Variants in CLRN3 observed in about 807,000 individuals in gnomAD.
CLRN3 encodes the protein clarin 3.
A neutral mutation model predicts 16.7 loss-of-function variants in CLRN3; 12 were observed. The observed-to-expected ratio is 0.72, with a 90% CI of 0.46 to 1.16. CLRN3 has a LOEUF of 1.16. Ranked by LOEUF, CLRN3 falls within the 50% of genes most tolerant of loss-of-function variation. CLRN3 has a pLI of 0.00. For synonymous variants in CLRN3, 118 were observed against 113.0 expected (o/e 1.04, Z -0.28); for missense variants, 296 against 274.2 (o/e 1.08, Z -0.56).
intron 2 of CLRN3, 114 bp downstream of exon 2, chr10:127,883,582 G>A (rs757649504): frequency 1.5e-5 from 12 of 790,452 alleles, no homozygotes; most frequent in Non-Finnish European, 2.4e-5. Context: ...GGTCCTCATA[G>A]TTTCCTTGGT....
chr10:127,881,735 G>A (rs554438958), intron 2 of CLRN3, among the ~76,000 whole-genome samples: 1 of 152,194 alleles, frequency 6.6e-6, no homozygotes, highest in Non-Finnish European at 1.5e-5. Context: ...TGAATTTGGA[G>A]GAAATGAGAA....
At chr10:127,888,569 T>C (rs1845222727) in intron 1 of CLRN3, among the ~76,000 whole-genome samples, 1 of 152,180 alleles carries the variant, frequency 6.6e-6, no homozygotes, top group African/African-American at 2.4e-5. Flanking sequence ...CCTGGCCTAA[T>C]GGTGCAATGT....
chr10:127,884,448 G>C lies in CLRN3; in HGVS notation c.230-573C>G, dbSNP rs75384644. On this transcript the variant is annotated intron_variant, in intron 1 of 2. Coordinates refer to ENST00000368671, the MANE Select transcript of CLRN3 (RefSeq NM_152311.5). ...CTGACATAAGAAAATGACTTCTGTT[G>C]GTGCAAATCGAGTTGTGGGTCCTAC... Among the ~76,000 whole-genome samples, 17 of 152,324 alleles carry C rather than the reference G, an allele frequency of 1.1e-4. No homozygotes were observed. In the East Asian group the frequency reaches 3.3e-3, roughly 29 times the overall value.
At chr10:127,881,890 C>T (rs911978700) in intron 2 of CLRN3, among the ~76,000 whole-genome samples, 12 of 152,320 alleles carry the variant, frequency 7.9e-5, no homozygotes, top group African/African-American at 2.9e-4. Flanking sequence ...TGGCAGGAAA[C>T]AGTCCTCACG....
At chr10:127,879,940 A>G (rs1242152301) in intron 2 of CLRN3, among the ~76,000 whole-genome samples, 1 of 152,124 alleles carries the variant, frequency 6.6e-6, no homozygotes, top group Non-Finnish European at 1.5e-5. Context: ...GTCTGCCGCC[A>G]TGTACCCGGA....
intron 1 of CLRN3, among the ~76,000 whole-genome samples, chr10:127,886,879 T>C (rs1845201147): frequency 6.6e-6 from 1 of 152,140 alleles, no homozygotes; most frequent in Non-Finnish European, 1.5e-5. Context: ...GCATAGTCTC[T>C]GGCTATGCAT....
At chr10:127,880,598 G>T (rs967790401) in intron 2 of CLRN3, among the ~76,000 whole-genome samples, 4 of 152,108 alleles carry the variant, frequency 2.6e-5, no homozygotes, top group African/African-American at 9.7e-5. Context: ...CTTCTCTCAG[G>T]GGACAATTTT....
chr10:127,888,282 C>A (rs949359265), intron 1 of CLRN3, among the ~76,000 whole-genome samples: 1 of 152,130 alleles, frequency 6.6e-6, no homozygotes, highest in Non-Finnish European at 1.5e-5. Flanking sequence ...CAGGCTGGTG[C>A]CCCAGCCTCT....
intron 1 of CLRN3, among the ~76,000 whole-genome samples, chr10:127,884,761 C>A (rs561027644): frequency 6.6e-6 from 1 of 152,222 alleles, no homozygotes; most frequent in Admixed American, 6.5e-5. Context: ...TCTCCTCCAC[C>A]GGCTCTTTTG....
chr10:127,892,300 T>C (rs1486923296), intron 1 of CLRN3, among the ~76,000 whole-genome samples: 1 of 152,214 alleles, frequency 6.6e-6, no homozygotes, highest in Non-Finnish European at 1.5e-5. Flanking sequence ...TACTTGTCAG[T>C]CAACTTGGTA....
At chr10:127,890,331 A>G (rs974423596) in intron 1 of CLRN3, among the ~76,000 whole-genome samples, 1 of 152,190 alleles carries the variant, frequency 6.6e-6, no homozygotes, top group Non-Finnish European at 1.5e-5. Context: ...CGCACCCTCC[A>G]GTTACACACT....
chr10:127,884,287 G>A (rs1845166405), intron 1 of CLRN3, among the ~76,000 whole-genome samples: 1 of 152,200 alleles, frequency 6.6e-6, no homozygotes, highest in Admixed American at 6.5e-5. Context: ...GGCACTCACA[G>A]GGTAGGTCAC....
chr10:127,889,713 G>A (rs145775106), intron 1 of CLRN3, among the ~76,000 whole-genome samples: 103 of 152,312 alleles, frequency 6.8e-4, no homozygotes, highest in African/African-American at 2.3e-3. Flanking sequence ...TGGTCAGTGC[G>A]TAGGCTGAGT....
intron 2 of CLRN3, among the ~76,000 whole-genome samples, chr10:127,882,195 C>T (rs746542836): frequency 1.3e-5 from 2 of 152,170 alleles, no homozygotes; most frequent in Non-Finnish European, 2.9e-5. Flanking sequence ...ACTTTTGTGC[C>T]TCGTCCATAG....
At chr10:127,887,168 T>C (rs1280941978) in intron 1 of CLRN3, among the ~76,000 whole-genome samples, 1 of 152,084 alleles carries the variant, frequency 6.6e-6, no homozygotes, top group Non-Finnish European at 1.5e-5. Flanking sequence ...AAGGAAAAAA[T>C]CTACAGCACG....
intron 2 of CLRN3, among the ~76,000 whole-genome samples, chr10:127,882,630 G>A (rs925686550): frequency 1.3e-5 from 2 of 152,126 alleles, no homozygotes; most frequent in Non-Finnish European, 2.9e-5. Flanking sequence ...AGCCACCTGC[G>A]CCTACCTCGT....
At position 127,888,925 on chromosome 10, in the gene CLRN3, G is replaced by C. The variant is rs529709939; in HGVS notation, c.229+3631C>G. On this transcript the variant is annotated intron_variant, in intron 1 of 2. Transcript: ENST00000368671. ...ACCTGGGAAGATTTTTAAAAAACGA[G>C]CAGGTCAGGGCCTCACCCCGCGGAG... Among the ~76,000 whole-genome samples the C allele has an allele frequency of 5.1e-4, 77 of 152,228 alleles. 1 individual carries two copies. In the South Asian group the frequency reaches 0.015, roughly 30 times the overall value.
At position 127,878,336 on chromosome 10, in the gene CLRN3, T is replaced by C. The variant is rs1165408978; in HGVS notation, c.494A>G (p.Tyr165Cys). The C allele has an allele frequency of 2.5e-6, 4 of 1,614,200 alleles. No individual in the cohort carries two copies. The highest frequency in any genetic ancestry group is 2.5e-6 in the Non-Finnish European group (3 of 1,180,028). Residue 165 changes from tyrosine to cysteine, a missense_variant, in exon 3 of 3, where the codon TAC becomes TGC. Tyr to Cys is a radical substitution (Grantham distance 194). Coordinates refer to ENST00000368671, the MANE Select transcript of CLRN3 (RefSeq NM_152311.5). ...CGTTCCTTTACTGGTGGTTGCCGGG[T>C]AAAGCATTTGGAACAACTCTTCGGA... The part of the protein sequence containing the change: ...QLSEELFQML[Y>C]PATTSKGTTH...
chr10:127,890,322 G>A (rs1401089767), intron 1 of CLRN3, among the ~76,000 whole-genome samples: 2 of 152,116 alleles, frequency 1.3e-5, no homozygotes, highest in South Asian at 4.1e-4. Flanking sequence ...TGAGCTGCCC[G>A]CACCCTCCAG....
Sources: gnomAD v4.1 joint callset for allele counts (sites outside exome capture counted in the v4.1 genomes callset) on GRCh38, gnomAD v4.1.1 for gene constraint, MANE v1.5 for transcripts, NCBI Gene and HGNC (gene_info 2026-07-23, HGNC 2026-07-21) for gene names.